The following ATP2C2 variants were observed in gnomAD, a reference collection of about 807,000 sequenced individuals.
The protein encoded by ATP2C2 is ATPase secretory pathway Ca2+ transporting 2, also known as calcium-transporting ATPase type 2C member 2.
ATP2C2 carries 171 observed loss-of-function variants against 110.8 expected under a neutral mutation model. The observed-to-expected ratio is 1.54, with a 90% confidence interval of 1.36 to 1.75. The LOEUF (loss-of-function observed/expected upper bound fraction) is 1.75, where lower values mean the gene tolerates loss of function less well. ATP2C2 is among the 40% of genes most tolerant of loss of function. The probability of loss-of-function intolerance (pLI) is 0.00; values close to 1 mark genes in which losing one functional copy is unlikely to be tolerated. For synonymous variants in ATP2C2, 804 were observed against 508.4 expected (o/e 1.58, Z -7.82); for missense variants, 1,963 against 1,235.0 (o/e 1.59, Z -8.84).
chr16:84,404,434 C>T (rs73243731), intron 2 of ATP2C2: 4,822 of 161,378 alleles, frequency 0.03, 161 homozygotes, highest in African/African-American at 0.094. Context: ...GTGGAATCAA[C>T]AGAATTTGTC....
chr16:84,410,703 G>A lies in ATP2C2; in HGVS notation c.454-1G>A. 2 of 1,614,146 alleles carry A rather than the reference G, an allele frequency of 1.2e-6. No individual in the cohort carries two copies. Among genetic ancestry groups the A allele is most frequent in the Non-Finnish European group, 8.5e-7 (1 of 1,180,008 alleles). ...AGCACATCTGATGTGCTTCCTGCCA[G>A]GAGTACAGGTCGGAGAAATCTCTGG... On this transcript the variant is annotated splice_acceptor_variant, in intron 5 of 26. Transcript: ENST00000262429. LOFTEE classifies it high-confidence loss of function.
At chr16:84,389,423 G>A (rs1182060905) in intron 1 of ATP2C2, among the ~76,000 whole-genome samples, 2 of 152,206 alleles carry the variant, frequency 1.3e-5, no homozygotes, top group African/African-American at 4.8e-5. Context: ...CATGCCTCTG[G>A]TGTCGTCAGA....
At chr16:84,424,288 G>C (rs1009699255) in intron 10 of ATP2C2, among the ~76,000 whole-genome samples, 2 of 151,910 alleles carry the variant, frequency 1.3e-5, no homozygotes, top group African/African-American at 4.8e-5. Context: ...CATTTTTTTT[G>C]AGGGGGCAGG....
At chr16:84,450,383 G>C (rs562378285) in intron 17 of ATP2C2, among the ~76,000 whole-genome samples, 5 of 152,256 alleles carry the variant, frequency 3.3e-5, no homozygotes, top group African/African-American at 7.2e-5. Flanking sequence ...AGATCCCCTG[G>C]AGTGGCTTGG....
chr16:84,453,038 T>C (rs1910439059), intron 18 of ATP2C2, 100 bp from the exon 19 acceptor site: 2 of 1,226,162 alleles, frequency 1.6e-6, no homozygotes, highest in Non-Finnish European at 2.3e-6. Flanking sequence ...GTCTCCAGCA[T>C]GGTTTTATTC....
chr16:84,388,999 T>A (rs1395357987), intron 1 of ATP2C2, among the ~76,000 whole-genome samples: 1 of 152,114 alleles, frequency 6.6e-6, no homozygotes, highest in Non-Finnish European at 1.5e-5. Context: ...CTCAATCTCT[T>A]GACCTCGTGA....
chr16:84,417,431 C>G (rs1426863662), intron 7 of ATP2C2, among the ~76,000 whole-genome samples: 2 of 152,208 alleles, frequency 1.3e-5, no homozygotes, highest in Non-Finnish European at 2.9e-5. Flanking sequence ...ATGACCCATG[C>G]TGTGCTTAGC....
chr16:84,455,516 T>G (rs1910713467), intron 21 of ATP2C2, among the ~76,000 whole-genome samples: 2 of 152,166 alleles, frequency 1.3e-5, no homozygotes, highest in Admixed American at 6.5e-5. Flanking sequence ...TGCACAAAAC[T>G]ATTTGTTCTG....
intron 24 of ATP2C2, 69 bp from the exon 25 acceptor site, chr16:84,461,645 G>A (rs973073462): frequency 1.4e-6 from 2 of 1,403,558 alleles, no homozygotes; most frequent in Admixed American, 3.3e-5. Flanking sequence ...AGGCAGGCCT[G>A]TGCCCTTTGG....
chr16:84,433,701 CA>C (rs1908490418), intron 11 of ATP2C2, among the ~76,000 whole-genome samples: 1 of 151,930 alleles, frequency 6.6e-6, no homozygotes, highest in African/African-American at 2.4e-5. Flanking sequence ...CACACACACA[CA>C]CACCCTCCTG....
chr16:84,442,769 TC>T lies in ATP2C2; in HGVS notation c.1401+171del, dbSNP rs1909391977. Among the ~76,000 whole-genome samples the T allele has an allele frequency of 2.1e-5, 3 of 144,238 alleles. No individual in the cohort carries two copies. The South Asian group carries it at 6.9e-4, about 33-fold the overall frequency. 94.6% of individuals were successfully genotyped at this position (144,238 alleles called of 152,430 possible). On this transcript the variant is annotated intron_variant, in intron 15 of 26. Coordinates refer to ENST00000262429, the MANE Select transcript of ATP2C2 (RefSeq NM_014861.4). The stretch of plus-strand genomic sequence containing the variant: ...TCTGTTGGTGGTGGAGGAGGTGAGC[TC>T]TGAGATTCCACGGGACTTCAGCAAG...
At chr16:84,419,418 T>G (rs1341929444) in intron 7 of ATP2C2, among the ~76,000 whole-genome samples, 1 of 152,032 alleles carries the variant, frequency 6.6e-6, no homozygotes, top group African/African-American at 2.4e-5. Context: ...CCCTCCCTTA[T>G]GAGGACCCTC....
At chr16:84,430,394 A>G (rs1262587575) in intron 11 of ATP2C2, among the ~76,000 whole-genome samples, 1 of 140,516 alleles carries the variant, frequency 7.1e-6, no homozygotes, top group East Asian at 2.0e-4. Flanking sequence ...TAATCCCAGC[A>G]CTTTTGGACA....
At chr16:84,425,681 G>T in intron 10 of ATP2C2, 54 bp from the exon 11 acceptor site, 2 of 1,572,098 alleles carry the variant, frequency 1.3e-6, no homozygotes, top group East Asian at 4.5e-5. Flanking sequence ...ATCCCTCCAG[G>T]CATCAGCGTG....
chr16:84,427,254 T>C (rs1385850385), intron 11 of ATP2C2, among the ~76,000 whole-genome samples: 1 of 152,168 alleles, frequency 6.6e-6, no homozygotes, highest in Non-Finnish European at 1.5e-5. Context: ...TAGATGTCCA[T>C]CAGCTCATTA....
chr16:84,417,994 C>T (rs767335487), intron 7 of ATP2C2, among the ~76,000 whole-genome samples: 3 of 152,186 alleles, frequency 2.0e-5, no homozygotes, highest in Non-Finnish European at 4.4e-5. Context: ...CCTTTTTGCA[C>T]AGTATATGGG....
chr16:84,369,430 G>A (rs550242878), intron 1 of ATP2C2, among the ~76,000 whole-genome samples: 10 of 152,140 alleles, frequency 6.6e-5, no homozygotes, highest in East Asian at 5.8e-4. Flanking sequence ...AACAGAACTC[G>A]TTGCATGCTT....
chr16:84,451,647 G>A lies in ATP2C2; in HGVS notation c.1661-274G>A, dbSNP rs528774418. Reference sequence around the variant, plus strand: ...GAGGTCAGGAGTTTGAGACCAGCCTGGCCAACATGGTGAAATCCTGTCTCT... The same window carrying A: ...GAGGTCAGGAGTTTGAGACCAGCCTAGCCAACATGGTGAAATCCTGTCTCT... On this transcript the variant is annotated intron_variant, in intron 17 of 26. Coordinates refer to ENST00000262429, the MANE Select transcript of ATP2C2 (RefSeq NM_014861.4). Among the ~76,000 whole-genome samples the A allele has an allele frequency of 2.0e-5, 3 of 152,268 alleles. No homozygotes were observed. In the South Asian group the frequency reaches 6.2e-4, roughly 32 times the overall value.
chr16:84,429,409 T>C (rs1270667423), intron 11 of ATP2C2, among the ~76,000 whole-genome samples: 1 of 152,196 alleles, frequency 6.6e-6, no homozygotes, highest in African/African-American at 2.4e-5. Context: ...TGCCTCAGCC[T>C]CCCAAAGTGC....
Sources: allele counts gnomAD v4.1 joint callset (sites outside exome capture counted in the v4.1 genomes callset), GRCh38; gene constraint gnomAD v4.1.1; transcripts MANE v1.5; gene names NCBI Gene and HGNC (gene_info 2026-07-23, HGNC 2026-07-21).